Variants in SEMA6D observed in about 807,000 individuals in gnomAD.
The protein encoded by SEMA6D is semaphorin-6D.
A neutral mutation model predicts 106.6 loss-of-function variants in SEMA6D; 35 were observed. The ratio of observed to expected loss-of-function variants is 0.33; its 90% CI spans 0.25 to 0.44. The LOEUF (loss-of-function observed/expected upper bound fraction) is 0.44. SEMA6D is among the 20% of genes least tolerant of loss of function. The probability of loss-of-function intolerance (pLI) is 1.00; values close to 1 mark genes in which losing one functional copy is unlikely to be tolerated. For synonymous variants in SEMA6D, 499 were observed against 487.7 expected (o/e 1.02, Z -0.31); for missense variants, 1,185 against 1,345.9 (o/e 0.88, Z 1.87).
At chr15:47,585,969 A>G (rs1011085328) in intron 3 of SEMA6D, among the ~76,000 whole-genome samples, 3 of 152,204 alleles carry the variant, frequency 2.0e-5, no homozygotes, top group Non-Finnish European at 4.4e-5. Context: ...GGATGAGACT[A>G]TGGGGGACCA....
chr15:47,367,769 C>T (rs1459544356), intron 1 of SEMA6D, among the ~76,000 whole-genome samples: 1 of 151,610 alleles, frequency 6.6e-6, no homozygotes, highest in African/African-American at 2.4e-5. Context: ...CAATTGGCTT[C>T]ATTATTAAAT....
At chr15:47,530,541 GT>G (rs2044926408) in intron 3 of SEMA6D, among the ~76,000 whole-genome samples, 1 of 152,068 alleles carries the variant, frequency 6.6e-6, no homozygotes, top group Non-Finnish European at 1.5e-5. Context: ...CTTTGACATA[GT>G]TTTTTTGCTA....
chr15:47,745,013 A>C (rs2081046258), intron 1 of SEMA6D, among the ~76,000 whole-genome samples: 1 of 152,196 alleles, frequency 6.6e-6, no homozygotes, highest in Non-Finnish European at 1.5e-5. Flanking sequence ...CTGAGTTAAG[A>C]GTAGAATCCA....
chr15:47,412,248 C>T (rs540184803), intron 1 of SEMA6D: 1 of 152,518 alleles, frequency 6.6e-6, no homozygotes, highest in African/African-American at 2.4e-5. Context: ...TGGTGCGCTG[C>T]ATTCAGCTGT....
chr15:47,344,548 T>G (rs748705287), intron 1 of SEMA6D, among the ~76,000 whole-genome samples: 1 of 152,094 alleles, frequency 6.6e-6, no homozygotes, highest in African/African-American at 2.4e-5. Context: ...GCTCCCTGTG[T>G]TGAGGATATG....
intron 17 of SEMA6D, chr15:47,767,346 C>T: frequency 3.1e-6 from 1 of 325,848 alleles, no homozygotes; most frequent in South Asian, 1.4e-4. Flanking sequence ...AGACTGCATT[C>T]CAGCTGCACG....
At chr15:47,317,192 A>G (rs949056571) in intron 1 of SEMA6D, among the ~76,000 whole-genome samples, 5 of 152,280 alleles carry the variant, frequency 3.3e-5, no homozygotes, top group Middle Eastern at 6.8e-3. Context: ...ATTTGTGGGC[A>G]TGAAGTTGTT....
At chr15:47,668,525 C>A (rs1304288162) in intron 4 of SEMA6D, among the ~76,000 whole-genome samples, 1 of 152,038 alleles carries the variant, frequency 6.6e-6, no homozygotes, top group African/African-American at 2.4e-5. Context: ...AGATAAAGTC[C>A]ACCCTAGCTT....
intron 1 of SEMA6D, among the ~76,000 whole-genome samples, chr15:47,335,315 C>T (rs193188192): frequency 9.2e-5 from 14 of 152,114 alleles, no homozygotes; most frequent in African/African-American, 3.4e-4. Context: ...ATGCAGAATC[C>T]ACATCTGTGA....
At chr15:47,239,867 T>G (rs940472148) in intron 1 of SEMA6D, among the ~76,000 whole-genome samples, 1 of 152,218 alleles carries the variant, frequency 6.6e-6, no homozygotes, top group Non-Finnish European at 1.5e-5. Context: ...ACAAGTAATT[T>G]GTATTGTTGT....
intron 16 of SEMA6D, 69 bp downstream of exon 16, chr15:47,766,746 A>G: frequency 1.9e-6 from 2 of 1,079,010 alleles, no homozygotes; most frequent in Non-Finnish European, 2.8e-6. Context: ...ACATTATTTT[A>G]CAATCAGTCT....
intron 1 of SEMA6D, among the ~76,000 whole-genome samples, chr15:47,196,027 T>TC (rs1268472976): frequency 6.7e-6 from 1 of 149,476 alleles, no homozygotes; most frequent in African/African-American, 2.5e-5. Flanking sequence ...AGTTTCAGAT[T>TC]TTTTTTTTTT....
Position 47,379,687 on chromosome 15 carries a change from T to C in SEMA6D, c.-238-32706T>C, listed in dbSNP as rs138869198. Among the ~76,000 whole-genome samples, 242 of 152,296 alleles carry C rather than the reference T, an allele frequency of 1.6e-3. 3 individuals carry two copies. Among genetic ancestry groups the C allele is most frequent in the Admixed American group, 0.014 (211 of 15,298 alleles). On this transcript the variant is annotated intron_variant, in intron 1 of 19. Coordinates refer to the SEMA6D transcript ENST00000558014. ...GGAGAGGAATTTTTAATGAGAGAAATAGTCTTCACATGAGACATGAAATGT... is the reference window on the plus strand; with the variant it reads ...GGAGAGGAATTTTTAATGAGAGAAACAGTCTTCACATGAGACATGAAATGT...
chr15:47,614,362 T>A (rs2076968704), intron 4 of SEMA6D, among the ~76,000 whole-genome samples: 1 of 152,224 alleles, frequency 6.6e-6, no homozygotes, highest in African/African-American at 2.4e-5. Flanking sequence ...ACCATTCAGA[T>A]GGTTCAAATG....
intron 18 of SEMA6D, 73 bp downstream of exon 18, chr15:47,768,821 G>A (rs1233003475): frequency 1.4e-6 from 2 of 1,431,594 alleles, no homozygotes; most frequent in East Asian, 2.3e-5. Flanking sequence ...GGAGTATGTG[G>A]TTCTCCAGAG....
intron 4 of SEMA6D, among the ~76,000 whole-genome samples, chr15:47,677,704 T>G (rs1337344824): frequency 2.6e-5 from 4 of 152,236 alleles, no homozygotes; most frequent in Non-Finnish European, 2.9e-5. Flanking sequence ...AATGAGATAC[T>G]TTTTACAGTC....
At chr15:47,409,574 C>G (rs1223072813) in intron 1 of SEMA6D, among the ~76,000 whole-genome samples, 1 of 152,198 alleles carries the variant, frequency 6.6e-6, no homozygotes, top group Non-Finnish European at 1.5e-5. Context: ...GCCTGTTGCT[C>G]TCAATTTTAT....
At chr15:47,623,675 G>A (rs919654760) in intron 4 of SEMA6D, among the ~76,000 whole-genome samples, 8 of 152,110 alleles carry the variant, frequency 5.3e-5, no homozygotes, top group Non-Finnish European at 7.4e-5. Flanking sequence ...GAAAAGGTAC[G>A]GATGTTATGT....
chr15:47,565,243 C>A (rs2142776694), intron 3 of SEMA6D, among the ~76,000 whole-genome samples: 1 of 152,330 alleles, frequency 6.6e-6, no homozygotes, highest in South Asian at 2.1e-4. Flanking sequence ...AGGGCCGGCA[C>A]AGAGTTTGCT....
Sources: gnomAD v4.1 joint callset for allele counts (sites outside exome capture counted in the v4.1 genomes callset) on GRCh38, gnomAD v4.1.1 for gene constraint, MANE v1.5 for transcripts, NCBI Gene and HGNC (gene_info 2026-07-23, HGNC 2026-07-21) for gene names.